Variants in JAZF1 observed in about 807,000 individuals in gnomAD.
The protein encoded by JAZF1 is JAZF zinc finger 1, also known as juxtaposed with another zinc finger protein 1.
In JAZF1, 8 loss-of-function variants were observed where a neutral mutation model predicts 26.4. The ratio of observed to expected loss-of-function variants is 0.30; its 90% CI spans 0.18 to 0.55. The LOEUF (loss-of-function observed/expected upper bound fraction) is 0.55. JAZF1 is among the 20% of genes least tolerant of loss of function. JAZF1 has a pLI of 0.94. For synonymous variants in JAZF1, 126 were observed against 122.3 expected (o/e 1.03, Z -0.20); for missense variants, 199 against 322.0 (o/e 0.62, Z 2.92).
intron 1 of JAZF1, among the ~76,000 whole-genome samples, chr7:28,144,302 T>G (rs1409912591): frequency 6.6e-6 from 1 of 152,126 alleles, no homozygotes; most frequent in Non-Finnish European, 1.5e-5. Flanking sequence ...TTAGAGAAAA[T>G]AAGAGTTGAA....
chr7:27,999,041 G>A (rs527968605), intron 1 of JAZF1, among the ~76,000 whole-genome samples: 1 of 152,328 alleles, frequency 6.6e-6, no homozygotes, highest in African/African-American at 2.4e-5. Context: ...GTGATGGGGT[G>A]TGCTTTGTCC....
intron 3 of JAZF1, among the ~76,000 whole-genome samples, chr7:27,867,090 G>T (rs776463832): frequency 6.6e-6 from 1 of 152,154 alleles, no homozygotes; most frequent in African/African-American, 2.4e-5. Context: ...TTGGTATGAT[G>T]ATTTCCTTCT....
intron 2 of JAZF1, among the ~76,000 whole-genome samples, chr7:27,989,685 G>A (rs1274906705): frequency 6.6e-6 from 1 of 152,194 alleles, no homozygotes; most frequent in Non-Finnish European, 1.5e-5. Context: ...ATGAAAAAAT[G>A]CTCATCATCA....
intron 2 of JAZF1, among the ~76,000 whole-genome samples, chr7:27,910,256 A>G (rs1423522505): frequency 6.6e-6 from 1 of 152,160 alleles, no homozygotes; most frequent in Non-Finnish European, 1.5e-5. Flanking sequence ...TTTGAAATCA[A>G]TGTGTATTTT....
chr7:28,167,839 A>T (rs1450679519), intron 1 of JAZF1, among the ~76,000 whole-genome samples: 1 of 152,250 alleles, frequency 6.6e-6, no homozygotes, highest in Non-Finnish European at 1.5e-5. Context: ...ACTGCTTCAT[A>T]AAGAACAATG....
chr7:28,096,728 CAAAT>C (rs1421777657), intron 1 of JAZF1, among the ~76,000 whole-genome samples: 1 of 151,922 alleles, frequency 6.6e-6, no homozygotes, highest in East Asian at 1.9e-4. Flanking sequence ...ATCTATATCT[CAAAT>C]AAAGTAATGG....
intron 1 of JAZF1, among the ~76,000 whole-genome samples, chr7:28,141,432 A>G (rs889802451): frequency 1.3e-5 from 2 of 152,224 alleles, no homozygotes; most frequent in Admixed American, 1.3e-4. Flanking sequence ...TACTCAAGCC[A>G]GGCCAGTTTT....
intron 1 of JAZF1, among the ~76,000 whole-genome samples, chr7:27,997,050 T>C (rs1786031368): frequency 6.6e-6 from 1 of 152,118 alleles, no homozygotes; most frequent in South Asian, 2.1e-4. Context: ...AAATAAGTTA[T>C]TTGAACCAGT....
At chr7:27,988,639 T>C (rs1278170974) in intron 2 of JAZF1, among the ~76,000 whole-genome samples, 1 of 152,160 alleles carries the variant, frequency 6.6e-6, no homozygotes, top group African/African-American at 2.4e-5. Flanking sequence ...CCATGATCTC[T>C]CCAACATCGG....
chr7:28,035,689 T>C (rs1338664301), intron 1 of JAZF1, among the ~76,000 whole-genome samples: 1 of 152,122 alleles, frequency 6.6e-6, no homozygotes, highest in African/African-American at 2.4e-5. Flanking sequence ...GCATAGAAAT[T>C]GTTAACATGT....
chr7:27,887,186 T>A (rs1174182977), intron 3 of JAZF1, among the ~76,000 whole-genome samples: 2 of 152,098 alleles, frequency 1.3e-5, no homozygotes, highest in African/African-American at 4.8e-5. Context: ...CTAGGGTTAA[T>A]ACCTGGGCGA....
At chr7:27,904,683 C>A (rs1360499109) in intron 2 of JAZF1, among the ~76,000 whole-genome samples, 1 of 152,040 alleles carries the variant, frequency 6.6e-6, no homozygotes, top group Non-Finnish European at 1.5e-5. Context: ...CTCTGAGCCC[C>A]TTTTAACATG....
At chr7:28,150,969 TTAAGTTA>T (rs1413939368) in intron 1 of JAZF1, among the ~76,000 whole-genome samples, 1 of 152,164 alleles carries the variant, frequency 6.6e-6, no homozygotes, top group Non-Finnish European at 1.5e-5. Context: ...TGAAAAAGTT[TTAAGTTA>T]TAAGGCAAAT....
At chr7:28,130,318 C>T (rs1782770421) in intron 1 of JAZF1, among the ~76,000 whole-genome samples, 1 of 152,100 alleles carries the variant, frequency 6.6e-6, no homozygotes, top group Admixed American at 6.5e-5. Flanking sequence ...AAACTGAGGA[C>T]CCTCCCCCCA....
In JAZF1 at chr7:27,856,473, T is replaced by G. The variant is rs1783256692; in HGVS notation, c.386-15606A>C. Among the ~76,000 whole-genome samples, 4 of 152,328 alleles carry G rather than the reference T, an allele frequency of 2.6e-5. No homozygotes were observed. In the South Asian group the frequency reaches 8.3e-4, roughly 32 times the overall value. On this transcript the variant is annotated intron_variant, in intron 3 of 4. Transcript: ENST00000283928. ...GACCTGAGCGGGTTGCCACTGCTGA[T>G]TCAGGCAGCCTGCTTTTATTCTCTT... is the stretch of plus-strand genomic sequence containing the variant.
intron 3 of JAZF1, among the ~76,000 whole-genome samples, chr7:27,847,476 A>G (rs1265936358): frequency 2.0e-5 from 3 of 152,182 alleles, no homozygotes; most frequent in East Asian, 1.9e-4. Flanking sequence ...AAGATAAGGG[A>G]CCAATTTCAT....
chr7:27,842,800 G>A lies in JAZF1; in HGVS notation c.386-1933C>T, dbSNP rs534955928. 5 of 152,288 alleles carry A rather than the reference G, an allele frequency of 3.3e-5. No individual in the cohort carries two copies. The East Asian group carries it at 9.6e-4, about 29-fold the overall frequency. 9.4% of individuals were successfully genotyped at this position (152,288 alleles called of 1,614,324 possible). On this transcript the variant is annotated intron_variant, in intron 3 of 4. Coordinates refer to ENST00000283928, the MANE Select transcript of JAZF1 (RefSeq NM_175061.4). Reference sequence around the variant, plus strand: ...AATGCTATTTCGCAAAGCTCCTCCAGCGGGACTTCAGAAAGTTAGAAAGAC... The same window carrying A: ...AATGCTATTTCGCAAAGCTCCTCCAACGGGACTTCAGAAAGTTAGAAAGAC...
At position 27,898,304 on chromosome 7, in the gene JAZF1, T is replaced by C. The variant is rs112123284; in HGVS notation, c.189-2888A>G. ...TCTAACTCATATATATATATATATATACATCGGTTTTTTTTTTTTTTTTTT... is the reference window on the plus strand; with the variant it reads ...TCTAACTCATATATATATATATATACACATCGGTTTTTTTTTTTTTTTTTT... On this transcript the variant is annotated intron_variant, in intron 2 of 4. Transcript: ENST00000283928. Among the ~76,000 whole-genome samples, 459 of 128,930 alleles carry C rather than the reference T, an allele frequency of 3.6e-3. 10 individuals carry two copies. The highest frequency in any genetic ancestry group is 0.012 in the African/African-American group (383 of 32,208). The allele number at this position is 128,930 out of a possible 152,430, so 84.6% of individuals were successfully genotyped here.
intron 1 of JAZF1, among the ~76,000 whole-genome samples, chr7:28,166,307 CATAT>C (rs1783366736): frequency 6.6e-6 from 1 of 152,188 alleles, no homozygotes; most frequent in African/African-American, 2.4e-5. Context: ...GTAAACAACT[CATAT>C]ATTGCTGTGC....
Sources: gnomAD v4.1 joint callset for allele counts (sites outside exome capture counted in the v4.1 genomes callset) on GRCh38, gnomAD v4.1.1 for gene constraint, MANE v1.5 for transcripts, NCBI Gene and HGNC (gene_info 2026-07-23, HGNC 2026-07-21) for gene names.